Variants in CELF2 observed in about 807,000 individuals in gnomAD.
CELF2 encodes the protein CUGBP Elav-like family member 2, also known as CUG triplet repeat RNA-binding protein 2.
Under a neutral mutation model 62.6 loss-of-function variants are expected in CELF2, and 8 were observed. The observed-to-expected ratio is 0.13, with a 90% CI of 0.07 to 0.23. The LOEUF (loss-of-function observed/expected upper bound fraction) is 0.23, where lower values mean the gene tolerates loss of function less well. Ranked by LOEUF, CELF2 falls within the 10% of genes least tolerant of loss-of-function variation. The pLI is 1.00. For synonymous variants in CELF2, 258 were observed against 250.0 expected (o/e 1.03, Z -0.30); for missense variants, 333 against 671.0 (o/e 0.50, Z 5.56).
At chr10:11,258,093 AC>A (rs1412086267) in intron 5 of CELF2, among the ~76,000 whole-genome samples, 1 of 152,214 alleles carries the variant, frequency 6.6e-6, no homozygotes, top group Non-Finnish European at 1.5e-5. Flanking sequence ...TCAAGTTATC[AC>A]TGTCAGGTGT....
rs557177307 is a variant in CELF2, at chr10:11,247,070, C to T, written c.355-2083C>T. On this transcript the variant is annotated intron_variant, in intron 3 of 12. Coordinates refer to ENST00000633077, the MANE Select transcript of CELF2 (RefSeq NM_001326342.2). This position sits in a 1 kb window ranked among gnomAD's most constrained non-coding sequence, Gnocchi z 5.4. ...TGAAGTTCAGCCTCCACCAGTGTTC[C>T]CTGGCCTGCGGCAGCAGCCTCTTAA... Among the ~76,000 whole-genome samples, 5 of 152,354 alleles carry T rather than the reference C, an allele frequency of 3.3e-5. No individual in the cohort carries two copies. The South Asian group carries it at 8.3e-4, about 25-fold the overall frequency.
At chr10:11,037,278 G>A (rs560742320) in intron 1 of CELF2, among the ~76,000 whole-genome samples, 22 of 152,312 alleles carry the variant, frequency 1.4e-4, no homozygotes, top group African/African-American at 3.4e-4. Context: ...ACTTACTGTC[G>A]TGAGAACAGC....
chr10:11,225,081 TTAG>T (rs922031481), intron 3 of CELF2, among the ~76,000 whole-genome samples: 24 of 152,234 alleles, frequency 1.6e-4, no homozygotes, highest in African/African-American at 5.5e-4. Flanking sequence ...GGAAGTCTCA[TTAG>T]TAGTATGACA....
intron 2 of CELF2, among the ~76,000 whole-genome samples, chr10:11,193,692 A>G (rs1026802892): frequency 7.9e-5 from 12 of 152,232 alleles, no homozygotes; most frequent in African/African-American, 2.7e-4. Context: ...GGGCCAATAT[A>G]GGTTTCGTAG....
chr10:10,619,699 G>A, the CELF2 span, among the ~76,000 whole-genome samples: 4 of 152,186 alleles, frequency 2.6e-5, no homozygotes, highest in South Asian at 2.1e-4. Flanking sequence ...AGAAAACGTC[G>A]TATTATCAAC....
intron 5 of CELF2, among the ~76,000 whole-genome samples, chr10:11,259,446 A>G (rs1468355307): frequency 6.7e-6 from 1 of 149,838 alleles, no homozygotes; most frequent in Non-Finnish European, 1.5e-5. Context: ...AAAAAAAAAA[A>G]GGCGGCATGG....
intron 1 of CELF2, among the ~76,000 whole-genome samples, chr10:10,866,508 G>A (rs1010994781): frequency 3.3e-5 from 5 of 151,414 alleles, no homozygotes; most frequent in African/African-American, 1.2e-4. Context: ...TGGAGGCTGA[G>A]GGAGCAGAAT....
chr10:10,927,094 G>C (rs1049784781), intron 2 of CELF2: 2 of 151,996 alleles, frequency 1.3e-5, no homozygotes, highest in South Asian at 4.1e-4. Flanking sequence ...ATTCCCCTGT[G>C]GGGAGGAGTG....
At chr10:10,569,790 G>A in the CELF2 span, among the ~76,000 whole-genome samples, 1 of 152,138 alleles carries the variant, frequency 6.6e-6, no homozygotes, top group Non-Finnish European at 1.5e-5. Context: ...AGTGGCTTTG[G>A]GAGCTATGCT....
At chr10:10,462,752 C>T in the CELF2 span, among the ~76,000 whole-genome samples, 1 of 149,648 alleles carries the variant, frequency 6.7e-6, no homozygotes, top group Non-Finnish European at 1.5e-5. Context: ...GCCTGATGTA[C>T]GACCTTCGCG....
At chr10:10,537,364 T>C in the CELF2 span, among the ~76,000 whole-genome samples, 613 of 152,130 alleles carry the variant, frequency 4.0e-3, 5 homozygotes, top group African/African-American at 0.014. Flanking sequence ...ACTTCAACAA[T>C]GTGAAGAATC....
At chr10:10,852,425 A>G (rs985581622) in intron 1 of CELF2, among the ~76,000 whole-genome samples, 6 of 152,218 alleles carry the variant, frequency 3.9e-5, no homozygotes, top group Non-Finnish European at 8.8e-5. Flanking sequence ...ATGGATTAGT[A>G]GGTGCTGGAG....
chr10:11,330,181 C>T lies in CELF2; in HGVS notation c.*1128C>T, dbSNP rs1467544590. The T allele has an allele frequency of 6.6e-6, 1 of 152,586 alleles. No individual in the cohort carries two copies. The highest frequency in any genetic ancestry group is 2.1e-4 in the South Asian group (1 of 4,814). 9.5% of individuals were successfully genotyped at this position (152,586 alleles called of 1,614,324 possible). A position where few individuals can be genotyped will look rare whatever the true frequency, so the allele number is the denominator to read the frequency against. On this transcript the variant is annotated 3_prime_UTR_variant, in exon 13 of 13. Transcript: ENST00000633077. This position sits in a 1 kb window ranked among gnomAD's most constrained non-coding sequence, Gnocchi z 4.5. ...TACAGTTCAGTCGTCTGACTTTCCC[C>T]GTATGTCACATTTGTTGAAACTGGA... is the stretch of plus-strand genomic sequence containing the variant.
the CELF2 span, among the ~76,000 whole-genome samples, chr10:10,727,960 C>A: frequency 6.6e-6 from 1 of 152,010 alleles, no homozygotes; most frequent in Non-Finnish European, 1.5e-5. Context: ...AAGATTCTCC[C>A]CGTGTTGCTT....
At chr10:10,688,061 A>G in the CELF2 span, among the ~76,000 whole-genome samples, 3 of 152,260 alleles carry the variant, frequency 2.0e-5, no homozygotes, top group African/African-American at 7.2e-5. Context: ...CAAGTTTATC[A>G]CCATGGTTAA....
At chr10:11,086,610 A>AAAAAAAAAAAC (rs1594927416) in intron 1 of CELF2, among the ~76,000 whole-genome samples, 2 of 134,412 alleles carry the variant, frequency 1.5e-5, no homozygotes, top group East Asian at 2.0e-4. Flanking sequence ...AAAAAAAAAA[A>AAAAAAAAAAAC]CTCCCGACAG....
At chr10:11,274,999 AT>A (rs1430915920) in intron 7 of CELF2, 57 bp from the exon 8 acceptor site, 29 of 1,501,988 alleles carry the variant, frequency 1.9e-5, no homozygotes, top group Non-Finnish European at 2.6e-5. Flanking sequence ...CCCCAGTTTA[AT>A]GAGGGAGTTA....
At chr10:10,883,305 T>C (rs1300601282) in intron 1 of CELF2, among the ~76,000 whole-genome samples, 1 of 152,254 alleles carries the variant, frequency 6.6e-6, no homozygotes, top group African/African-American at 2.4e-5. Context: ...TACTTTTAGC[T>C]TTAAAATTCC....
intron 8 of CELF2, among the ~76,000 whole-genome samples, chr10:11,281,498 A>T (rs1164945032): frequency 6.6e-6 from 1 of 152,158 alleles, no homozygotes; most frequent in Non-Finnish European, 1.5e-5. Context: ...GGCGGCTCAC[A>T]CTTGTAGTCC....
Sources: allele counts gnomAD v4.1 joint callset (sites outside exome capture counted in the v4.1 genomes callset), GRCh38; gene constraint gnomAD v4.1.1; non-coding constraint Gnocchi (gnomAD v3.1); transcripts MANE v1.5; gene names NCBI Gene and HGNC (gene_info 2026-07-23, HGNC 2026-07-21).